AKAP7: variants seen among roughly 807,000 people sequenced by gnomAD.
AKAP7 encodes A-kinase anchoring protein 7.
AKAP7 carries 39 observed loss-of-function variants against 39.5 expected under a neutral mutation model. The observed-to-expected ratio is 0.99, with a 90% CI of 0.76 to 1.29. The LOEUF (loss-of-function observed/expected upper bound fraction) is 1.29. AKAP7 is among the 50% of genes most tolerant of loss of function. The probability of loss-of-function intolerance (pLI) is 0.00; values close to 1 mark genes in which losing one functional copy is unlikely to be tolerated. For synonymous variants in AKAP7, 140 were observed against 139.1 expected, an observed-to-expected ratio of 1.01 and a Z score of -0.05; for missense variants, 414 against 407.7, an observed-to-expected ratio of 1.02 and a Z score of -0.13.
At chr6:131,238,253 G>A (rs1811243249) in intron 7 of AKAP7, among the ~76,000 whole-genome samples, 2 of 152,140 alleles carry the variant, frequency 1.3e-5, no homozygotes, top group South Asian at 4.1e-4. Flanking sequence ...TAGTTTGATT[G>A]CACTGTGGTC....
chr6:131,266,991 A>C (rs984752543), intron 7 of AKAP7, among the ~76,000 whole-genome samples: 4 of 152,182 alleles, frequency 2.6e-5, no homozygotes, highest in Admixed American at 2.0e-4. Context: ...GTGGCAGTTA[A>C]ACCTATTTTA....
intron 7 of AKAP7, among the ~76,000 whole-genome samples, chr6:131,266,610 C>G (rs1335834199): frequency 1.3e-5 from 2 of 152,028 alleles, no homozygotes; most frequent in Non-Finnish European, 2.9e-5. Context: ...GAGAAATATC[C>G]TAAATTACTT....
chr6:131,234,303 G>A (rs889641182), intron 7 of AKAP7, among the ~76,000 whole-genome samples: 1 of 152,166 alleles, frequency 6.6e-6, no homozygotes, highest in African/African-American at 2.4e-5. Context: ...TGCTCTCAGA[G>A]TTTACTTTGT....
In AKAP7 at chr6:131,275,766, C is replaced by T. The variant is rs150534748; in HGVS notation, c.851-5764C>T. Among the ~76,000 whole-genome samples, 347 of 152,252 alleles carry T rather than the reference C, an allele frequency of 2.3e-3. 1 individual carries two copies. Among genetic ancestry groups the T allele is most frequent in the Non-Finnish European group, 3.7e-3 (251 of 68,018 alleles). On this transcript the variant is annotated intron_variant, in intron 7 of 7. Coordinates refer to ENST00000431975, the MANE Select transcript of AKAP7 (RefSeq NM_016377.4). The stretch of plus-strand genomic sequence containing the variant: ...GGGATTCCTACAAGGATGTGCGGAT[C>T]GGGGGGCTGGCTTCAGACAGCATCT...
intron 7 of AKAP7, among the ~76,000 whole-genome samples, chr6:131,274,613 C>T (rs1423225716): frequency 2.0e-5 from 3 of 152,170 alleles, no homozygotes; most frequent in African/African-American, 7.2e-5. Flanking sequence ...GCTGGGACTA[C>T]AGGTGCATGC....
At chr6:131,249,289 CTA>C (rs1042095474) in intron 7 of AKAP7, among the ~76,000 whole-genome samples, 2 of 152,044 alleles carry the variant, frequency 1.3e-5, no homozygotes, top group African/African-American at 4.8e-5. Context: ...TATCAAAATT[CTA>C]TCTTTCAGAA....
In AKAP7 at chr6:131,135,562, G is replaced by T; in HGVS notation, c.-202G>T. The T allele has an allele frequency of 4.1e-6, 1 of 243,876 alleles. No homozygotes were observed. Among genetic ancestry groups the T allele is most frequent in the South Asian group, 1.4e-4 (1 of 7,234 alleles). The allele number at this position is 243,876 out of a possible 1,614,324, so 15.1% of individuals were successfully genotyped here. On this transcript the variant is annotated 5_prime_UTR_variant, in exon 1 of 8. Coordinates refer to ENST00000431975, the MANE Select transcript of AKAP7 (RefSeq NM_016377.4). ...CGCTGCCGCGGGGGCTGCGGCTTGG[G>T]AAGCTCCGCGCTTCCGCAGGCCTGG...
At chr6:131,214,513 ATAGACCATCTGTGC>A (rs1349952975) in intron 6 of AKAP7, among the ~76,000 whole-genome samples, 1 of 152,232 alleles carries the variant, frequency 6.6e-6, no homozygotes, top group Non-Finnish European at 1.5e-5. Context: ...TCCAGAAAAC[ATAGACCATCTGTGC>A]CAGTATTGTA....
At chr6:131,226,172 A>G (rs903050921) in intron 7 of AKAP7, among the ~76,000 whole-genome samples, 2 of 152,104 alleles carry the variant, frequency 1.3e-5, no homozygotes, top group African/African-American at 4.8e-5. Flanking sequence ...AAATCTGTTT[A>G]CCTTTACACT....
chr6:131,125,724 A>C, the AKAP7 span, among the ~76,000 whole-genome samples: 2 of 152,210 alleles, frequency 1.3e-5, no homozygotes, highest in African/African-American at 4.8e-5. Context: ...TTGTAACCAC[A>C]CCACCAGCAG....
At chr6:131,164,202 A>C (rs1215139530) in intron 3 of AKAP7, 1 of 312,150 alleles carries the variant, frequency 3.2e-6, no homozygotes, top group East Asian at 8.4e-5. Context: ...CTTTTTTTCT[A>C]TTGTGCTGCC....
chr6:131,175,456 A>G (rs1804487187), intron 5 of AKAP7, among the ~76,000 whole-genome samples: 1 of 152,222 alleles, frequency 6.6e-6, no homozygotes, highest in African/African-American at 2.4e-5. Context: ...GTTCTTAGGA[A>G]AAAAGGAACC....
intron 7 of AKAP7, among the ~76,000 whole-genome samples, chr6:131,241,575 A>ATG (rs1285302579): frequency 5.5e-4 from 35 of 63,858 alleles, no homozygotes; most frequent in East Asian, 2.4e-3. Context: ...TAGATTATAT[A>ATG]TATGTGTGTG....
chr6:131,227,378 G>A (rs1160105974), intron 7 of AKAP7, among the ~76,000 whole-genome samples: 3 of 152,144 alleles, frequency 2.0e-5, no homozygotes, highest in African/African-American at 7.2e-5. Flanking sequence ...CTAGGTTTGC[G>A]GGTATGAGGA....
At chr6:131,265,584 G>A (rs1245646743) in intron 7 of AKAP7, among the ~76,000 whole-genome samples, 1 of 152,116 alleles carries the variant, frequency 6.6e-6, no homozygotes, top group Non-Finnish European at 1.5e-5. Flanking sequence ...TCCTGACCCT[G>A]TAACTCAAGA....
intron 2 of AKAP7, among the ~76,000 whole-genome samples, chr6:131,156,614 T>G (rs1802439885): frequency 6.6e-6 from 1 of 152,058 alleles, no homozygotes; most frequent in Non-Finnish European, 1.5e-5. Flanking sequence ...CACTCCAGCC[T>G]GGGTGACAGA....
At chr6:131,253,706 A>G (rs1812631948) in intron 7 of AKAP7, among the ~76,000 whole-genome samples, 1 of 151,502 alleles carries the variant, frequency 6.6e-6, no homozygotes, top group African/African-American at 2.4e-5. Context: ...AAGCTCCAAC[A>G]TAGGAATGAG....
chr6:131,149,055 T>G (rs556308938), intron 2 of AKAP7, among the ~76,000 whole-genome samples: 1 of 152,222 alleles, frequency 6.6e-6, no homozygotes, highest in African/African-American at 2.4e-5. Flanking sequence ...AGGGGAATCC[T>G]TGGCAGTAGG....
At chr6:131,279,659 G>T (rs967645287) in intron 7 of AKAP7, among the ~76,000 whole-genome samples, 1 of 152,156 alleles carries the variant, frequency 6.6e-6, no homozygotes, top group African/African-American at 2.4e-5. Context: ...TGGAACATTA[G>T]ACCCAAAAGG....
Sources: gnomAD v4.1 joint callset for allele counts (sites outside exome capture counted in the v4.1 genomes callset) on GRCh38, gnomAD v4.1.1 for gene constraint, MANE v1.5 for transcripts, NCBI Gene and HGNC (gene_info 2026-07-23, HGNC 2026-07-21) for gene names.